The following SSTR1 variants were observed in gnomAD, a reference collection of about 807,000 sequenced individuals.
SSTR1 encodes the protein somatostatin receptor 1, also known as somatostatin receptor type 1.
In SSTR1, 10 loss-of-function variants were observed where a neutral mutation model predicts 20.7. The observed-to-expected ratio is 0.48, with a 90% CI of 0.30 to 0.82. The LOEUF (loss-of-function observed/expected upper bound fraction) is 0.82. SSTR1 is among the 40% of genes least tolerant of loss of function. The pLI, the probability that SSTR1 is intolerant of heterozygous loss-of-function variation, is 0.07. For missense variants in SSTR1, 494 were observed against 540.0 expected (o/e 0.91, Z 0.84); for synonymous variants, 267 against 227.8 (o/e 1.17, Z -1.55).
chr14:38,210,159 C>G lies in SSTR1; in HGVS notation c.770C>G (p.Ala257Gly). The G allele has an allele frequency of 6.2e-7, 1 of 1,614,236 alleles. No individual in the cohort carries two copies. The highest frequency in any genetic ancestry group is 8.5e-7 in the Non-Finnish European group (1 of 1,180,042). The change falls in exon 3 of 3, where the codon GCC becomes GGC. Residue 257 changes from alanine (A) to glycine (G), a missense_variant. Around this residue, in one of 3 missense-constraint regions of SSTR1, gnomAD observed 280 missense variants for 286.1 expected, o/e 0.98. Transcript: ENST00000267377. ...IAKMRMVALK[A>G]GWQQRKRSER... ...AAGATGCGCATGGTGGCCCTCAAGG[C>G]CGGCTGGCAGCAGCGCAAGCGCTCG... is the stretch of plus-strand genomic sequence containing the variant.
rs139619338 is a variant in SSTR1 at position 38,210,323 on chromosome 14, G to A, written c.934G>A (p.Gly312Ser). 1 of 1,614,232 alleles carries A rather than the reference G, an allele frequency of 6.2e-7. No individual in the cohort carries two copies. Among genetic ancestry groups the A allele is most frequent in the Non-Finnish European group, 8.5e-7 (1 of 1,180,032 alleles). ...ATVSQLSVIL[G>S]YANSCANPIL... is the part of the protein sequence containing the mutation. ...GGTGAGTCAGCTGTCGGTCATCCTCGGCTATGCCAACAGCTGCGCCAACCC... is the reference window on the plus strand; with the variant it reads ...GGTGAGTCAGCTGTCGGTCATCCTCAGCTATGCCAACAGCTGCGCCAACCC... Residue 312 changes from glycine (G) to serine (S), a missense_variant, in exon 3 of 3, where the codon GGC (glycine) becomes AGC (serine). Coordinates refer to ENST00000267377, the MANE Select transcript of SSTR1 (RefSeq NM_001049.3).
In SSTR1 at chr14:38,209,287, T is replaced by C. The variant is rs12434340; in HGVS notation, c.-103T>C. ...TCTACCCGGAGGCGCTGGGCGGCTG[T>C]GGGCTGCAGGCAAGCGGTCGGGTGG... On this transcript the variant is annotated 5_prime_UTR_variant, in exon 3 of 3. Transcript: ENST00000267377. The C allele has an allele frequency of 0.16, 207,152 of 1,333,102 alleles. 17,338 individuals carry two copies. Among genetic ancestry groups the C allele is most frequent in the East Asian group, 0.36 (12,182 of 34,294 alleles). 82.6% of individuals were successfully genotyped at this position (1,333,102 alleles called of 1,614,324 possible). A position where few individuals can be genotyped will look rare whatever the true frequency, so the allele number is the denominator to read the frequency against.
At position 38,209,921 on chromosome 14, in the gene SSTR1, A is replaced by T; in HGVS notation, c.532A>T (p.Asn178Tyr). The T allele has an allele frequency of 1.2e-6, 2 of 1,613,940 alleles. No homozygotes were observed. Among genetic ancestry groups the T allele is most frequent in the Non-Finnish European group, 1.7e-6 (2 of 1,180,024 alleles). ...YRRPTVAKVV[N>Y]LGVWVLSLLV... Reference sequence around the variant, plus strand: ...CCGGCCCACCGTGGCCAAGGTAGTAAACCTGGGCGTGTGGGTGCTATCGCT... The same window carrying T: ...CCGGCCCACCGTGGCCAAGGTAGTATACCTGGGCGTGTGGGTGCTATCGCT... The change falls in exon 3 of 3, where the codon AAC becomes TAC. Residue 178 changes from asparagine (N) to tyrosine (Y), a missense_variant. By Grantham distance (143) the Asn-to-Tyr change is moderately radical. Coordinates refer to ENST00000267377, the MANE Select transcript of SSTR1 (RefSeq NM_001049.3).
rs375891291 is a variant in SSTR1, at chr14:38,210,558, C to CGCTCTGAGCCCGGGCCACGCAGGG, written c.*20_*43dup. On this transcript the variant is annotated stop_gained and inframe_insertion, in exon 3 of 3. Transcript: ENST00000267377. LOFTEE classifies it high-confidence loss of function. ...GGCACCTGCACGTCCCGGATCACGA[C>CGCTCTGAGCCCGGGCCACGCAGGG]GCTCTGAGCCCGGGCCACGCAGGGG... The CGCTCTGAGCCCGGGCCACGCAGGG allele has an allele frequency of 0.19, 284,864 of 1,530,512 alleles. 37,483 individuals are homozygous for CGCTCTGAGCCCGGGCCACGCAGGG. Among genetic ancestry groups the CGCTCTGAGCCCGGGCCACGCAGGG allele is most frequent in the Non-Finnish European group, 0.21 (231,500 of 1,127,628 alleles). The allele number at this position is 1,530,512 out of a possible 1,614,324, so 94.8% of individuals were successfully genotyped here. A position where few individuals can be genotyped will look rare whatever the true frequency, so the allele number is the denominator to read the frequency against.
In SSTR1 at chr14:38,210,527, C is replaced by G. The variant is rs1188642427; in HGVS notation, c.1138C>G (p.Arg380Gly). 2 of 1,582,236 alleles carry G rather than the reference C, an allele frequency of 1.3e-6. No individual in the cohort carries two copies. The highest frequency in any genetic ancestry group is 8.6e-7 in the Non-Finnish European group (1 of 1,164,224). Residue 380 changes from arginine (R) to glycine (G), a missense_variant, in exon 3 of 3, where the codon CGT (arginine) becomes GGT (glycine). Around this residue, in one of 3 missense-constraint regions of SSTR1, gnomAD observed 280 missense variants for 286.1 expected, o/e 0.98. Coordinates refer to ENST00000267377, the MANE Select transcript of SSTR1 (RefSeq NM_001049.3). ...GAACCTGGAGTCCGGCGGCGTCTTCCGTAATGGCACCTGCACGTCCCGGAT... is the reference window on the plus strand; with the variant it reads ...GAACCTGGAGTCCGGCGGCGTCTTCGGTAATGGCACCTGCACGTCCCGGAT... The part of the protein sequence containing the change: ...PENLESGGVF[R>G]NGTCTSRITT...
In SSTR1 at chr14:38,209,524, G is replaced by T. The variant is rs138709720; in HGVS notation, c.135G>T (p.Ala45=). 716 of 1,593,490 alleles carry T rather than the reference G, an allele frequency of 4.5e-4. No individual in the cohort carries two copies. The highest frequency in any genetic ancestry group is 5.8e-4 in the Non-Finnish European group (672 of 1,167,882). The change falls in exon 3 of 3, where the codon GCG becomes GCT. Residue 45 remains alanine, a synonymous_variant. Coordinates refer to ENST00000267377, the MANE Select transcript of SSTR1 (RefSeq NM_001049.3). ...GCATGGAGGAGCCAGGGCGAAATGCGTCCCAGAACGGGACCTTGAGCGAGG... is the reference window on the plus strand; with the variant it reads ...GCATGGAGGAGCCAGGGCGAAATGCTTCCCAGAACGGGACCTTGAGCGAGG... ...ADGMEEPGRN[A]SQNGTLSEGQ...
In SSTR1 at chr14:38,209,942, T is replaced by C. The variant is rs761707814; in HGVS notation, c.553T>C (p.Ser185Pro). The change falls in exon 3 of 3, where the codon TCG becomes CCG. Residue 185 changes from serine to proline, a missense_variant. Ser to Pro is a moderately conservative substitution (Grantham distance 74). Transcript: ENST00000267377. ...AGTAAACCTGGGCGTGTGGGTGCTA[T>C]CGCTGCTCGTCATCCTGCCCATCGT... is the stretch of plus-strand genomic sequence containing the variant. ...KVVNLGVWVLSLLVILPIVVF... is the reference protein window; with the variant it reads ...KVVNLGVWVLPLLVILPIVVF... 6.2e-7 allele frequency: 1 copy of C among 1,614,020 alleles called. No individual in the cohort carries two copies. The highest frequency in any genetic ancestry group is 8.5e-7 in the Non-Finnish European group (1 of 1,180,040).
chr14:38,210,623 G>C lies in SSTR1; in HGVS notation c.*58G>C. On this transcript the variant is annotated 3_prime_UTR_variant, in exon 3 of 3. Transcript: ENST00000267377. ...CACGCAGGGGCCCTGAGCCAAAAGA[G>C]GGGGAGAATGAGAAGGGAAGGCCGG... 2.3e-6 allele frequency: 3 copies of C among 1,286,714 alleles called. No homozygotes were observed. The highest frequency in any genetic ancestry group is 3.0e-6 in the Non-Finnish European group (3 of 991,330). The allele number at this position is 1,286,714 out of a possible 1,614,324, so 79.7% of individuals were successfully genotyped here.
chr14:38,209,911 C>T lies in SSTR1; in HGVS notation c.522C>T (p.Ala174=), dbSNP rs763857805. 1.2e-6 allele frequency: 2 copies of T among 1,613,956 alleles called. No individual in the cohort carries two copies. Among genetic ancestry groups the T allele is most frequent in the South Asian group, 2.2e-5 (2 of 91,090 alleles). ...KAARYRRPTV[A]KVVNLGVWVL... ...CCCGCTACCGCCGGCCCACCGTGGC[C>T]AAGGTAGTAAACCTGGGCGTGTGGG... Residue 174 remains alanine (A), a synonymous_variant, in exon 3 of 3, where the codon GCC becomes GCT. Coordinates refer to ENST00000267377, the MANE Select transcript of SSTR1 (RefSeq NM_001049.3).
In SSTR1 at chr14:38,210,837, C is replaced by A; in HGVS notation, c.*272C>A. ...GTCTCCCACTTTCTGTTCCTTCCTC[C>A]ACTGCGCTTACTCCTCTGACCCTCC... is the stretch of plus-strand genomic sequence containing the variant. On this transcript the variant is annotated 3_prime_UTR_variant, in exon 3 of 3. Coordinates refer to ENST00000267377, the MANE Select transcript of SSTR1 (RefSeq NM_001049.3). 1 of 670,686 alleles carries A rather than the reference C, an allele frequency of 1.5e-6. No individual in the cohort carries two copies. The allele number at this position is 670,686 out of a possible 1,614,324, so 41.5% of individuals were successfully genotyped here.
At position 38,209,330 on chromosome 14, in the gene SSTR1, G is replaced by A; in HGVS notation, c.-60G>A. On this transcript the variant is annotated 5_prime_UTR_variant, in exon 3 of 3. Coordinates refer to ENST00000267377, the MANE Select transcript of SSTR1 (RefSeq NM_001049.3). ...TCGGGTGGGGAGGGAGGGCGCAGGC[G>A]GCGGGTGCGCGAGGAGAAAGCCCCA... 8 of 1,421,130 alleles carry A rather than the reference G, an allele frequency of 5.6e-6. No individual in the cohort carries two copies. The highest frequency in any genetic ancestry group is 1.5e-5 in the African/African-American group (1 of 67,852). 88.0% of individuals were successfully genotyped at this position (1,421,130 alleles called of 1,614,324 possible).
rs760791175 is a variant in SSTR1, at chr14:38,209,487, G to C, written c.98G>C (p.Gly33Ala). The stretch of plus-strand genomic sequence containing the variant: ...GGCGGCAGCAGGGGCCCCGGGGCCG[G>C]CGCTGCGGACGGCATGGAGGAGCCA... ...EGGGSRGPGA[G>A]AADGMEEPGR... Residue 33 changes from glycine (G) to alanine (A), a missense_variant, in exon 3 of 3, where the codon GGC becomes GCC. Physicochemically the swap from Gly to Ala is moderately conservative, Grantham distance 60. Coordinates refer to ENST00000267377, the MANE Select transcript of SSTR1 (RefSeq NM_001049.3). 6.4e-6 allele frequency: 10 copies of C among 1,572,394 alleles called. No homozygotes were observed. The highest frequency in any genetic ancestry group is 7.8e-6 in the Non-Finnish European group (9 of 1,158,618).
In SSTR1 at chr14:38,208,604, C is replaced by G. The variant is rs1306441380; in HGVS notation, c.-350C>G. On this transcript the variant is annotated 5_prime_UTR_variant, in exon 2 of 3. Coordinates refer to ENST00000267377, the MANE Select transcript of SSTR1 (RefSeq NM_001049.3). ...TACGTCTCAGTCTGGAGGTTGCGCA[C>G]TTTGGGTAAGGAGGGCCCGGAACTT... 6.6e-6 allele frequency: 1 copy of G among 152,394 alleles called. No homozygotes were observed. Among genetic ancestry groups the G allele is most frequent in the Non-Finnish European group, 1.5e-5 (1 of 68,230 alleles). 9.4% of individuals were successfully genotyped at this position (152,394 alleles called of 1,614,324 possible). A position where few individuals can be genotyped will look rare whatever the true frequency, so the allele number is the denominator to read the frequency against.
At position 38,210,430 on chromosome 14, in the gene SSTR1, G is replaced by C; in HGVS notation, c.1041G>C (p.Ala347=). The C allele has an allele frequency of 6.2e-7, 1 of 1,614,206 alleles. No homozygotes were observed. Among genetic ancestry groups the C allele is most frequent in the Non-Finnish European group, 8.5e-7 (1 of 1,180,040 alleles). Residue 347 remains alanine, a synonymous_variant, in exon 3 of 3, where the codon GCG becomes GCC. Coordinates refer to ENST00000267377, the MANE Select transcript of SSTR1 (RefSeq NM_001049.3). ...ILCLSWMDNA[A]EEPVDYYATA... ...GCCTCAGCTGGATGGACAACGCCGC[G>C]GAGGAGCCGGTTGACTATTACGCCA...
rs975357021 is a variant in SSTR1, at chr14:38,210,763, G to C, written c.*198G>C. ...AAAGGCGCGCGACAATGGTAGAAGTGAGAGCTTTGCTTATAAACTGGGAAG... is the reference window on the plus strand; with the variant it reads ...AAAGGCGCGCGACAATGGTAGAAGTCAGAGCTTTGCTTATAAACTGGGAAG... On this transcript the variant is annotated 3_prime_UTR_variant, in exon 3 of 3. Coordinates refer to ENST00000267377, the MANE Select transcript of SSTR1 (RefSeq NM_001049.3). 2 of 1,336,908 alleles carry C rather than the reference G, an allele frequency of 1.5e-6. No homozygotes were observed. The highest frequency in any genetic ancestry group is 3.0e-5 in the African/African-American group (2 of 67,342). 82.8% of individuals were successfully genotyped at this position (1,336,908 alleles called of 1,614,324 possible).
At position 38,210,805 on chromosome 14, in the gene SSTR1, T is replaced by TCAGA; in HGVS notation, c.*240_*241insCAGA. 5.1e-6 allele frequency: 5 copies of TCAGA among 980,412 alleles called. No individual in the cohort carries two copies. Among genetic ancestry groups the TCAGA allele is most frequent in the Non-Finnish European group, 7.1e-6 (5 of 699,502 alleles). 60.7% of individuals were successfully genotyped at this position (980,412 alleles called of 1,614,324 possible). On this transcript the variant is annotated 3_prime_UTR_variant, in exon 3 of 3. Coordinates refer to ENST00000267377, the MANE Select transcript of SSTR1 (RefSeq NM_001049.3). The stretch of plus-strand genomic sequence containing the variant: ...ACTGGGAAGGCTTTCAGGCTACCTT[T>TCAGA]TTCTGGGTCTCCCACTTTCTGTTCC...
Position 38,210,496 on chromosome 14 carries a change from A to C in SSTR1, c.1107A>C (p.Gln369His), listed in dbSNP as rs115693516. 5.0e-6 allele frequency: 8 copies of C among 1,612,496 alleles called. No homozygotes were observed. Among genetic ancestry groups the C allele is most frequent in the Non-Finnish European group, 6.8e-6 (8 of 1,179,488 alleles). The stretch of plus-strand genomic sequence containing the variant: ...GTGCCTACAGTGTGGAAGACTTCCA[A>C]CCTGAGAACCTGGAGTCCGGCGGCG... ...KSRAYSVEDF[Q>H]PENLESGGVF... The change falls in exon 3 of 3, where the codon CAA (glutamine) becomes CAC (histidine). Residue 369 changes from glutamine to histidine, a missense_variant. Coordinates refer to ENST00000267377, the MANE Select transcript of SSTR1 (RefSeq NM_001049.3).
In SSTR1 at chr14:38,208,531, G is replaced by A. The variant is rs531912347; in HGVS notation, c.-423G>A. On this transcript the variant is annotated 5_prime_UTR_variant, in exon 2 of 3. Coordinates refer to ENST00000267377, the MANE Select transcript of SSTR1 (RefSeq NM_001049.3). ...AAAGAAGGGAGTTGGTCTGCGCGAA[G>A]ATCGTCAACCTGCTAACAGACCGCA... 3 of 152,370 alleles carry A rather than the reference G, an allele frequency of 2.0e-5. No individual in the cohort carries two copies. Among genetic ancestry groups the A allele is most frequent in the African/African-American group, 7.2e-5 (3 of 41,580 alleles). The allele number at this position is 152,370 out of a possible 1,614,324, so 9.4% of individuals were successfully genotyped here.
At position 38,209,790 on chromosome 14, in the gene SSTR1, T is replaced by G. The variant is rs1258000273; in HGVS notation, c.401T>G (p.Leu134Arg). 6.2e-7 allele frequency: 1 copy of G among 1,613,914 alleles called. No homozygotes were observed. Reference sequence around the variant, plus strand: ...GGTGCGCTGCTCTGCCGCCTCGTGCTCAGCGTGGACGCGGTCAACATGTTC... The same window carrying G: ...GGTGCGCTGCTCTGCCGCCTCGTGCGCAGCGTGGACGCGGTCAACATGTTC... ...PFGALLCRLV[L>R]SVDAVNMFTS... Residue 134 changes from leucine (L) to arginine (R), a missense_variant, in exon 3 of 3, where the codon CTC becomes CGC. By Grantham distance (102) the Leu-to-Arg change is moderately radical (BLOSUM62 -2). Coordinates refer to ENST00000267377, the MANE Select transcript of SSTR1 (RefSeq NM_001049.3).
Sources: allele counts gnomAD v4.1 joint callset, GRCh38; gene constraint gnomAD v4.1.1; regional missense constraint gnomAD v4.1.1; transcripts MANE v1.5; gene names NCBI Gene and HGNC (gene_info 2026-07-23, HGNC 2026-07-21).